Variants in RIT2 observed in about 807,000 individuals in gnomAD.
The protein encoded by RIT2 is Ras like without CAAX 2.
In RIT2, 24 loss-of-function variants were observed where a neutral mutation model predicts 23.7. That is an observed-to-expected ratio of 1.01 (90% confidence interval 0.73 to 1.43). The LOEUF (loss-of-function observed/expected upper bound fraction) is 1.43. Among genes scored for constraint, RIT2 ranks in the 40% most tolerant of loss-of-function variants. The probability of loss-of-function intolerance (pLI) is 0.00; values close to 1 mark genes in which losing one functional copy is unlikely to be tolerated. For synonymous variants in RIT2, 107 were observed against 91.1 expected (o/e 1.17, Z -0.99); for missense variants, 236 against 266.9 (o/e 0.88, Z 0.81).
intron 2 of RIT2, among the ~76,000 whole-genome samples, chr18:42,992,050 A>AT (rs1401864858): frequency 6.8e-6 from 1 of 147,728 alleles, no homozygotes; most frequent in African/African-American, 2.5e-5. Flanking sequence ...CCCCTTTCCC[A>AT]TTTTTCTGGA....
intron 4 of RIT2, among the ~76,000 whole-genome samples, chr18:42,885,028 G>A (rs1448469555): frequency 6.6e-6 from 1 of 152,118 alleles, no homozygotes; most frequent in Non-Finnish European, 1.5e-5. Context: ...TAGTTGTTAG[G>A]TTACACCATT....
chr18:42,883,943 T>A (rs1014772700), intron 4 of RIT2, among the ~76,000 whole-genome samples: 1 of 152,214 alleles, frequency 6.6e-6, no homozygotes, highest in Non-Finnish European at 1.5e-5. Context: ...CTATACATTA[T>A]AAAAGTTTGT....
At chr18:42,865,074 C>A (rs1018398938) in intron 4 of RIT2, among the ~76,000 whole-genome samples, 3 of 152,316 alleles carry the variant, frequency 2.0e-5, no homozygotes, top group Non-Finnish European at 2.9e-5. Context: ...ACACACACAA[C>A]TAGTTATAGC....
intron 3 of RIT2, among the ~76,000 whole-genome samples, chr18:42,958,665 A>G (rs924715733): frequency 1.3e-5 from 2 of 152,140 alleles, no homozygotes; most frequent in South Asian, 2.1e-4. Flanking sequence ...CCATGTCCAG[A>G]CCAGCGATAC....
At chr18:42,884,299 G>A (rs774596363) in intron 4 of RIT2, among the ~76,000 whole-genome samples, 2 of 152,238 alleles carry the variant, frequency 1.3e-5, no homozygotes, top group African/African-American at 2.4e-5. Flanking sequence ...ACTCTCAAAG[G>A]AAATTACTCT....
intron 1 of RIT2, among the ~76,000 whole-genome samples, chr18:43,043,007 A>C (rs1912164059): frequency 6.6e-6 from 1 of 152,182 alleles, no homozygotes; most frequent in Non-Finnish European, 1.5e-5. Context: ...TATAAAAAAG[A>C]TAATAATGAG....
chr18:42,929,032 G>GATATATATATATATATATAT (rs1187388200), intron 3 of RIT2, among the ~76,000 whole-genome samples: 1 of 16,064 alleles, frequency 6.2e-5, no homozygotes, highest in African/African-American at 1.5e-4. Context: ...CTAAAATATG[G>GATATATATATATATATATAT]AGATATATAT....
At chr18:42,943,887 G>C (rs1909663502) in intron 3 of RIT2, among the ~76,000 whole-genome samples, 1 of 152,068 alleles carries the variant, frequency 6.6e-6, no homozygotes, top group Non-Finnish European at 1.5e-5. Flanking sequence ...AGCAAATGTT[G>C]CCAGCTCTAC....
chr18:42,833,053 CAA>C (rs35952869), intron 4 of RIT2, among the ~76,000 whole-genome samples: 50 of 77,878 alleles, frequency 6.4e-4, no homozygotes, highest in African/African-American at 1.4e-3. Flanking sequence ...GACTTCATCT[CAA>C]AAAAAAAAAA....
At chr18:42,907,465 C>T (rs905796545) in intron 4 of RIT2, among the ~76,000 whole-genome samples, 2 of 152,076 alleles carry the variant, frequency 1.3e-5, no homozygotes, top group Non-Finnish European at 2.9e-5. Context: ...TCAATTTTTA[C>T]ACATGCATTT....
chr18:42,768,609 C>A (rs1306546685), intron 4 of RIT2, among the ~76,000 whole-genome samples: 1 of 151,864 alleles, frequency 6.6e-6, no homozygotes, highest in African/African-American at 2.4e-5. Context: ...TTTTATTGTT[C>A]CTTTAATATT....
intron 4 of RIT2, among the ~76,000 whole-genome samples, chr18:42,790,491 G>A (rs561964244): frequency 2.6e-5 from 4 of 152,226 alleles, no homozygotes; most frequent in Non-Finnish European, 5.9e-5. Context: ...CGCCTAGGCC[G>A]GAATGCAGTG....
intron 2 of RIT2, among the ~76,000 whole-genome samples, chr18:42,974,598 T>A (rs1315898807): frequency 6.6e-6 from 1 of 151,744 alleles, no homozygotes; most frequent in East Asian, 1.9e-4. Context: ...GAAGAAAAAA[T>A]AAAATCATCC....
chr18:42,870,018 T>G (rs1283522536), intron 4 of RIT2, among the ~76,000 whole-genome samples: 6 of 152,200 alleles, frequency 3.9e-5, no homozygotes, highest in Non-Finnish European at 8.8e-5. Context: ...TCTTCTGTTT[T>G]CTTTGTTTAG....
intron 4 of RIT2, among the ~76,000 whole-genome samples, chr18:42,888,801 A>G (rs1271468167): frequency 2.0e-5 from 3 of 152,156 alleles, no homozygotes. Context: ...AAGTAAATTA[A>G]GGCAGGAACA....
chr18:43,103,139 T>A (rs1020435242), intron 1 of RIT2, among the ~76,000 whole-genome samples: 5 of 152,156 alleles, frequency 3.3e-5, no homozygotes, highest in African/African-American at 1.2e-4. Flanking sequence ...AGCCACACCC[T>A]TACCCTATAC....
chr18:42,829,553 A>G (rs969048347), intron 4 of RIT2, among the ~76,000 whole-genome samples: 1 of 152,176 alleles, frequency 6.6e-6, no homozygotes, highest in Non-Finnish European at 1.5e-5. Flanking sequence ...ACTAGAGAGC[A>G]TACAATGGCA....
intron 2 of RIT2, among the ~76,000 whole-genome samples, chr18:43,031,114 G>A (rs908326766): frequency 4.0e-5 from 6 of 151,190 alleles, no homozygotes; most frequent in African/African-American, 1.5e-4. Flanking sequence ...AAATGCCCCA[G>A]CTTTGTCACT....
At chr18:42,881,215 C>CA (rs1907885624) in intron 4 of RIT2, among the ~76,000 whole-genome samples, 2 of 152,066 alleles carry the variant, frequency 1.3e-5, no homozygotes, top group Non-Finnish European at 2.9e-5. Context: ...AACAAACAAA[C>CA]AAAAAACAGA....
Sources: gnomAD v4.1 joint callset for allele counts (sites outside exome capture counted in the v4.1 genomes callset) on GRCh38, gnomAD v4.1.1 for gene constraint, MANE v1.5 for transcripts, NCBI Gene and HGNC (gene_info 2026-07-23, HGNC 2026-07-21) for gene names.